SIRPB1: variants seen among roughly 807,000 people sequenced by gnomAD.
The protein encoded by SIRPB1 is signal regulatory protein beta 1, also known as signal-regulatory protein beta-1.
SIRPB1 carries 28 observed loss-of-function variants against 34.1 expected under a neutral mutation model. The observed-to-expected ratio is 0.82, with a 90% CI of 0.61 to 1.12. The LOEUF is 1.12. SIRPB1 is among the 50% of genes most tolerant of loss of function. SIRPB1 has a pLI of 0.00. For missense variants in SIRPB1, 499 were observed against 507.0 expected (o/e 0.98, Z 0.15); for synonymous variants, 211 against 203.8 (o/e 1.04, Z -0.30).
At position 1,571,973 on chromosome 20, in the gene SIRPB1, G is replaced by A. The variant is rs541639858; in HGVS notation, c.498C>T (p.Ser166=). The A allele has an allele frequency of 1.2e-6, 2 of 1,614,162 alleles. No homozygotes were observed. Among genetic ancestry groups the A allele is most frequent in the Non-Finnish European group, 1.7e-6 (2 of 1,180,028 alleles). The part of the protein sequence containing the change: ...AVRATPEHTV[S]FTCESHGFSP... Reference sequence around the variant, plus strand: ...AGAAGCCATGGGACTCGCAGGTGAAGCTCACTGTGTGCTCAGGTGTGGCCC... The same window carrying A: ...AGAAGCCATGGGACTCGCAGGTGAAACTCACTGTGTGCTCAGGTGTGGCCC... The change falls in exon 3 of 6, where the codon AGC becomes AGT. Residue 166 remains serine, a synonymous_variant. Coordinates refer to ENST00000381605, the MANE Select transcript of SIRPB1 (RefSeq NM_006065.5).
intron 4 of SIRPB1, among the ~76,000 whole-genome samples, chr20:1,568,194 T>G (rs1414900885): frequency 6.6e-6 from 1 of 152,100 alleles, no homozygotes; most frequent in Non-Finnish European, 1.5e-5. Flanking sequence ...AAAAGTAAAT[T>G]CTACACAATC....
In SIRPB1 at chr20:1,570,907, G is replaced by A; in HGVS notation, c.982C>T (p.Leu328Phe). 3.7e-6 allele frequency: 6 copies of A among 1,614,184 alleles called. No individual in the cohort carries two copies. Among genetic ancestry groups the A allele is most frequent in the Non-Finnish European group, 5.1e-6 (6 of 1,180,028 alleles). Reference sequence around the variant, plus strand: ...CCATCATGCTCCACCTGACAGGTGAGCACCACATCGTCCCTGTGGGCACAG... The same window carrying A: ...CCATCATGCTCCACCTGACAGGTGAACACCACATCGTCCCTGTGGGCACAG... ...NTCAHRDDVVLTCQVEHDGQQ... is the reference protein window; with the variant it reads ...NTCAHRDDVVFTCQVEHDGQQ... The change falls in exon 4 of 6, where the codon CTC (leucine) becomes TTC (phenylalanine). Residue 328 changes from leucine (L) to phenylalanine (F), a missense_variant. Coordinates refer to ENST00000381605, the MANE Select transcript of SIRPB1 (RefSeq NM_006065.5).
intron 2 of SIRPB1, 117 bp from the exon 3 acceptor site, chr20:1,572,154 C>A: frequency 6.7e-7 from 1 of 1,491,074 alleles, no homozygotes; most frequent in South Asian, 1.3e-5. Flanking sequence ...CTAATAATGT[C>A]GTGAAGGCAG....
intron 4 of SIRPB1, among the ~76,000 whole-genome samples, chr20:1,569,172 A>G (rs1402369606): frequency 6.6e-6 from 1 of 152,222 alleles, no homozygotes; most frequent in African/African-American, 2.4e-5. Flanking sequence ...CTAAACTATT[A>G]ACGACATTGA....
chr20:1,567,359 G>T (rs532025900), intron 4 of SIRPB1, among the ~76,000 whole-genome samples: 1 of 152,272 alleles, frequency 6.6e-6, no homozygotes, highest in South Asian at 2.1e-4. Flanking sequence ...GGACCCTCCG[G>T]CCTTTTGCCT....
In SIRPB1 at chr20:1,604,422, G is replaced by C. The variant is rs1263223374; in HGVS notation, c.76+15447C>G. On this transcript the variant is annotated intron_variant, in intron 1 of 5. Transcript: ENST00000381605. Reference sequence around the variant, plus strand: ...GGCATGCAGTTGGAATGCTGTAACTGTAGCAAAATAAAGAAAATCACCAAG... The same window carrying C: ...GGCATGCAGTTGGAATGCTGTAACTCTAGCAAAATAAAGAAAATCACCAAG... Among the ~76,000 whole-genome samples the C allele has an allele frequency of 4.2e-5, 2 of 47,730 alleles. 1 individual carries two copies. The highest frequency in any genetic ancestry group is 7.8e-5 in the Non-Finnish European group (2 of 25,502). 31.3% of individuals were successfully genotyped at this position (47,730 alleles called of 152,430 possible).
In SIRPB1 at chr20:1,562,172, T is replaced by C. The variant is rs2091087833; in HGVS notation, c.*3328A>G. 6.6e-6 allele frequency among the ~76,000 whole-genome samples: 1 copy of C among 152,180 alleles called. No individual in the cohort carries two copies. Among genetic ancestry groups the C allele is most frequent in the Non-Finnish European group, 1.5e-5 (1 of 68,030 alleles). On this transcript the variant is annotated 3_prime_UTR_variant, in exon 6 of 6. Transcript: ENST00000381605. Reference sequence around the variant, plus strand: ...TTTGGTTTTGGGGTTGACTTTTTTTTCTTGTTAGCACTTTCTTACTTTCTA... The same window carrying C: ...TTTGGTTTTGGGGTTGACTTTTTTTCCTTGTTAGCACTTTCTTACTTTCTA...
rs1471600639 is a variant in SIRPB1, at chr20:1,600,298, T to C, written c.76+19571A>G. On this transcript the variant is annotated intron_variant, in intron 1 of 5. Coordinates refer to ENST00000381605, the MANE Select transcript of SIRPB1 (RefSeq NM_006065.5). The stretch of plus-strand genomic sequence containing the variant: ...ATTCTTTGCATTTTTACAATGAGCA[T>C]TTTTTTGCTGTTAAAAGCAAACAAA... Among the ~76,000 whole-genome samples, 2 of 49,872 alleles carry C rather than the reference T, an allele frequency of 4.0e-5. 1 individual carries two copies. Among genetic ancestry groups the C allele is most frequent in the Non-Finnish European group, 7.8e-5 (2 of 25,608 alleles). The allele number at this position is 49,872 out of a possible 152,430, so 32.7% of individuals were successfully genotyped here.
chr20:1,574,264 C>T (rs1260007771), intron 2 of SIRPB1, among the ~76,000 whole-genome samples: 1 of 18,754 alleles, frequency 5.3e-5, no homozygotes, highest in East Asian at 6.9e-4. Context: ...AGGCTTTGTC[C>T]CAGTCTCCTA....
At chr20:1,570,571 A>T in intron 4 of SIRPB1, 2 of 427,710 alleles carry the variant, frequency 4.7e-6, no homozygotes, top group Non-Finnish European at 8.3e-6. Context: ...CAAGTTGTGC[A>T]TCAGACTTGA....
chr20:1,614,391 G>A (rs528993272), intron 1 of SIRPB1, among the ~76,000 whole-genome samples: 50 of 152,242 alleles, frequency 3.3e-4, no homozygotes, highest in African/African-American at 1.1e-3. Context: ...CTGCCCAGGT[G>A]ACCAGGTAAC....
chr20:1,615,193 A>G (rs568652948), intron 1 of SIRPB1, among the ~76,000 whole-genome samples: 2 of 152,330 alleles, frequency 1.3e-5, no homozygotes, highest in Non-Finnish European at 2.9e-5. Flanking sequence ...AAATAAAAGT[A>G]TCTCTTCTCT....
rs2091549146 is a variant in SIRPB1 at position 1,610,029 on chromosome 20, A to G, written c.76+9840T>C. ...AGAAGACTGTAAAATAAATTTTGAT[A>G]TTTCCATAGATTGGAGTATTTTTCA... is the stretch of plus-strand genomic sequence containing the variant. On this transcript the variant is annotated intron_variant, in intron 1 of 5. Coordinates refer to ENST00000381605, the MANE Select transcript of SIRPB1 (RefSeq NM_006065.5). Among the ~76,000 whole-genome samples the G allele has an allele frequency of 5.5e-5, 4 of 72,454 alleles. 2 individuals are homozygous for G. The highest frequency in any genetic ancestry group is 1.0e-4 in the Non-Finnish European group (4 of 38,632). The allele number at this position is 72,454 out of a possible 152,430, so 47.5% of individuals were successfully genotyped here.
intron 1 of SIRPB1, among the ~76,000 whole-genome samples, chr20:1,615,365 T>C (rs2091614954): frequency 6.6e-6 from 1 of 152,212 alleles, no homozygotes; most frequent in Non-Finnish European, 1.5e-5. Context: ...TGGGCTCTCC[T>C]GGCTTAGAGT....
At chr20:1,616,739 A>G (rs928758466) in intron 1 of SIRPB1, among the ~76,000 whole-genome samples, 1 of 152,228 alleles carries the variant, frequency 6.6e-6, no homozygotes, top group Admixed American at 6.5e-5. Flanking sequence ...AGCCAAGGAA[A>G]CAATCAACAG....
Position 1,571,705 on chromosome 20 carries a change from G to C in SIRPB1, c.751+15C>G. The C allele has an allele frequency of 6.3e-7, 1 of 1,582,728 alleles. No homozygotes were observed. The highest frequency in any genetic ancestry group is 1.4e-5 in the African/African-American group (1 of 69,916). On this transcript the variant is annotated intron_variant, in intron 3 of 5. Transcript: ENST00000381605. ...AGCCAGGTGTGGGCTTGGGCTGGGT[G>C]TGAGGGTCTTCTACCTCGGATGGCC... is the stretch of plus-strand genomic sequence containing the variant.
intron 2 of SIRPB1, among the ~76,000 whole-genome samples, chr20:1,577,467 C>T (rs933872940): frequency 4.7e-5 from 7 of 147,488 alleles, no homozygotes; most frequent in Non-Finnish European, 7.6e-5. Flanking sequence ...GCAGTTAAGA[C>T]GAGGCTTTTG....
At chr20:1,568,478 C>T (rs1485991273) in intron 4 of SIRPB1, among the ~76,000 whole-genome samples, 7 of 152,180 alleles carry the variant, frequency 4.6e-5, no homozygotes, top group African/African-American at 1.7e-4. Flanking sequence ...GGTTGGAAGT[C>T]TAAGAAAAGA....
In SIRPB1 at chr20:1,619,899, G is replaced by C; in HGVS notation, c.46C>G (p.Leu16Val). The C allele has an allele frequency of 6.2e-7, 1 of 1,613,868 alleles. No individual in the cohort carries two copies. The highest frequency in any genetic ancestry group is 8.5e-7 in the Non-Finnish European group (1 of 1,179,788). ...SWPHLPSPFL[L>V]MTLLLGRLTG... Reference sequence around the variant, plus strand: ...AGTCTCCCCAGCAGTAGCGTCATCAGCAGGAAAGGACTAGGAAGGTGGGGC... The same window carrying C: ...AGTCTCCCCAGCAGTAGCGTCATCACCAGGAAAGGACTAGGAAGGTGGGGC... Residue 16 changes from leucine to valine, a missense_variant, in exon 1 of 6, where the codon CTG becomes GTG. Transcript: ENST00000381605.
Sources: allele counts gnomAD v4.1 joint callset (sites outside exome capture counted in the v4.1 genomes callset), GRCh38; gene constraint gnomAD v4.1.1; transcripts MANE v1.5; gene names NCBI Gene and HGNC (gene_info 2026-07-23, HGNC 2026-07-21).